Variants in WDR33 observed in about 807,000 individuals in gnomAD.
WDR33 encodes WD repeat domain 33, also known as pre-mRNA 3' end processing protein WDR33.
WDR33 carries 47 observed loss-of-function variants against 164.9 expected under a neutral mutation model. The observed-to-expected ratio is 0.29, with a 90% confidence interval of 0.23 to 0.36. WDR33 has a LOEUF of 0.36. WDR33 is among the 10% of genes least tolerant of loss of function. WDR33 has a pLI of 1.00. For missense variants in WDR33, 1,137 were observed against 1,754.1 expected (o/e 0.65, Z 6.28); for synonymous variants, 505 against 589.0 (o/e 0.86, Z 2.06).
chr2:127,717,178 C>T lies in WDR33; in HGVS notation c.2846G>A (p.Gly949Glu). 1 of 1,607,386 alleles carries T rather than the reference C, an allele frequency of 6.2e-7. No homozygotes were observed. Among genetic ancestry groups the T allele is most frequent in the Non-Finnish European group, 8.5e-7 (1 of 1,176,600 alleles). The change falls in exon 17 of 22, where the codon GGA (glycine) becomes GAA (glutamate). Residue 949 changes from glycine (G) to glutamate (E), a missense_variant. This residue lies in a region of WDR33 where 867 missense variants were observed against 1,073.0 expected (regional missense o/e 0.81). Transcript: ENST00000322313. This position sits in a 1 kb window ranked among gnomAD's most constrained non-coding sequence, Gnocchi z 5.6. Reference protein sequence around the residue: ...AQGRIPPLNPGQGPGPNKGDS... With the variant: ...AQGRIPPLNPEQGPGPNKGDS... ...ACCTTTGTTGGGGCCAGGTCCTTGT[C>T]CGGGGTTCAGAGGGGGAATGCGACC...
At chr2:127,776,373 G>A (rs1688183654) in intron 1 of WDR33, among the ~76,000 whole-genome samples, 1 of 152,182 alleles carries the variant, frequency 6.6e-6, no homozygotes, top group African/African-American at 2.4e-5. Context: ...TGTTATGGCA[G>A]CCCTAGCTAA....
rs1686177503 is a variant in WDR33, at chr2:127,711,772, ATATATATATTTT to A, written c.3308+1799_3308+1810del. On this transcript the variant is annotated intron_variant, in intron 18 of 21. Coordinates refer to ENST00000322313, the MANE Select transcript of WDR33 (RefSeq NM_018383.5). The stretch of plus-strand genomic sequence containing the variant: ...TACAGATATATATATATATATATAT[ATATATATATTTT>A]TTTTTTGAGACAGAGTCTCGCCCTG... 5.7e-5 allele frequency among the ~76,000 whole-genome samples: 5 copies of A among 87,742 alleles called. 2 individuals are homozygous for A. Among genetic ancestry groups the A allele is most frequent in the African/African-American group, 3.1e-4 (5 of 16,248 alleles). 57.6% of individuals were successfully genotyped at this position (87,742 alleles called of 152,430 possible).
In WDR33 at chr2:127,719,214, T is replaced by C; in HGVS notation, c.2760+51A>G. The C allele has an allele frequency of 7.3e-7, 1 of 1,378,970 alleles. No individual in the cohort carries two copies. Among genetic ancestry groups the C allele is most frequent in the Non-Finnish European group, 9.4e-7 (1 of 1,067,746 alleles). The allele number at this position is 1,378,970 out of a possible 1,614,324, so 85.4% of individuals were successfully genotyped here. On this transcript the variant is annotated intron_variant, in intron 16 of 21. Transcript: ENST00000322313. This position sits in a 1 kb window ranked among gnomAD's most constrained non-coding sequence, Gnocchi z 6.5. ...CCACAATACTCAGCAGTATTACTTC[T>C]GTGCAGAGTGTATTTTCCCAATGTG...
chr2:127,809,893 A>G (rs1425405652), intron 1 of WDR33, among the ~76,000 whole-genome samples: 2 of 152,196 alleles, frequency 1.3e-5, no homozygotes, highest in East Asian at 3.8e-4. Flanking sequence ...TCAAGGAGAC[A>G]AAAAAAGCAA....
Position 127,709,376 on chromosome 2 carries a change from C to T in WDR33, c.3565+114G>A, listed in dbSNP as rs1686095834. On this transcript the variant is annotated intron_variant, in intron 20 of 21. Coordinates refer to ENST00000322313, the MANE Select transcript of WDR33 (RefSeq NM_018383.5). This position sits in a 1 kb window ranked among gnomAD's most constrained non-coding sequence, Gnocchi z 5.0. ...CTGCAGGACAGGAGACAGCCCAGCC[C>T]CCCGGGAGACATGAGCTGGAAAGAG... is the stretch of plus-strand genomic sequence containing the variant. 5.9e-6 allele frequency: 6 copies of T among 1,013,200 alleles called. No homozygotes were observed. The highest frequency in any genetic ancestry group is 1.8e-5 in the Admixed American group (1 of 54,334). The allele number at this position is 1,013,200 out of a possible 1,614,324, so 62.8% of individuals were successfully genotyped here. A position where few individuals can be genotyped will look rare whatever the true frequency, so the allele number is the denominator to read the frequency against.
intron 1 of WDR33, among the ~76,000 whole-genome samples, chr2:127,802,745 G>A (rs772936694): frequency 3.9e-5 from 6 of 152,162 alleles, no homozygotes; most frequent in Non-Finnish European, 7.3e-5. Flanking sequence ...TTGGGAGGCT[G>A]AGGAGGGAGG....
intron 1 of WDR33, among the ~76,000 whole-genome samples, chr2:127,800,573 C>CT (rs1317076252): frequency 1.4e-5 from 2 of 147,470 alleles, no homozygotes; most frequent in African/African-American, 5.0e-5. Flanking sequence ...GGAGTCGGAG[C>CT]TTGCAGTGAG....
intron 1 of WDR33, among the ~76,000 whole-genome samples, chr2:127,805,322 T>C (rs1689397699): frequency 6.6e-6 from 1 of 151,842 alleles, no homozygotes; most frequent in South Asian, 2.1e-4. Context: ...GCTCTAGCAA[T>C]CCATCTGCCT....
intron 1 of WDR33, among the ~76,000 whole-genome samples, chr2:127,783,595 ACTC>A (rs1456094260): frequency 1.9e-4 from 21 of 109,870 alleles, no homozygotes; most frequent in African/African-American, 7.5e-4. Flanking sequence ...TTATTTCAGG[ACTC>A]CTTTTTTTTT....
chr2:127,713,250 A>C lies in WDR33; in HGVS notation c.3308+333T>G, dbSNP rs1283340130. On this transcript the variant is annotated intron_variant, in intron 18 of 21. Coordinates refer to ENST00000322313, the MANE Select transcript of WDR33 (RefSeq NM_018383.5). This position sits in a 1 kb window ranked among gnomAD's most constrained non-coding sequence, Gnocchi z 6.2. ...TATTTCCAATCTAGGTAGCTGCCTC[A>C]TATTTCCTTATTCTAATCAAGAAGA... Among the ~76,000 whole-genome samples, 2 of 152,204 alleles carry C rather than the reference A, an allele frequency of 1.3e-5. No homozygotes were observed. The highest frequency in any genetic ancestry group is 1.3e-4 in the Admixed American group (2 of 15,278).
At chr2:127,783,059 T>C (rs1688430392) in intron 1 of WDR33, among the ~76,000 whole-genome samples, 1 of 152,204 alleles carries the variant, frequency 6.6e-6, no homozygotes, top group African/African-American at 2.4e-5. Flanking sequence ...GTGTATGTTA[T>C]ATGCAAATGC....
chr2:127,776,274 C>A (rs1463859219), intron 1 of WDR33, among the ~76,000 whole-genome samples: 1 of 152,184 alleles, frequency 6.6e-6, no homozygotes, highest in Non-Finnish European at 1.5e-5. Context: ...CAGCCCTGCT[C>A]ACATCCTGAT....
intron 7 of WDR33, among the ~76,000 whole-genome samples, chr2:127,732,973 T>C (rs574727377): frequency 2.6e-5 from 4 of 152,306 alleles, no homozygotes; most frequent in African/African-American, 9.6e-5. Flanking sequence ...TCTTTGTGAT[T>C]CCCCAAATGT....
chr2:127,773,869 C>A (rs917773259), intron 1 of WDR33, among the ~76,000 whole-genome samples: 3 of 151,466 alleles, frequency 2.0e-5, no homozygotes, highest in Non-Finnish European at 4.4e-5. Context: ...GCTTAAGCAA[C>A]CCTCCCACCT....
chr2:127,777,678 T>A (rs1688230321), intron 1 of WDR33, among the ~76,000 whole-genome samples: 1 of 152,240 alleles, frequency 6.6e-6, no homozygotes, highest in Non-Finnish European at 1.5e-5. Context: ...CAGGATGGAA[T>A]ACAGTGGCAC....
Position 127,708,186 on chromosome 2 carries a change from C to T in WDR33, c.3781+491G>A, listed in dbSNP as rs1686064427. Among the ~76,000 whole-genome samples, 1 of 152,150 alleles carries T rather than the reference C, an allele frequency of 6.6e-6. No homozygotes were observed. The highest frequency in any genetic ancestry group is 2.4e-5 in the African/African-American group (1 of 41,422). On this transcript the variant is annotated intron_variant, in intron 21 of 21. Coordinates refer to ENST00000322313, the MANE Select transcript of WDR33 (RefSeq NM_018383.5). This position sits in a 1 kb window ranked among gnomAD's most constrained non-coding sequence, Gnocchi z 6.7. ...GCCTATAACATAAAGCTCCACAGTT[C>T]CCAGTTGAGGAGATAATCTACTGTG...
In WDR33 at chr2:127,724,945, G is replaced by C. The variant is rs1265618796; in HGVS notation, c.1027C>G (p.His343Asp). ...EATAVAWHPV[H>D]EGLFASGGSD... ...CCTCCACTGGCAAAAAGTCCTTCATGAACAGGATGCCAGGCCACAGCTGCA... is the reference window on the plus strand; with the variant it reads ...CCTCCACTGGCAAAAAGTCCTTCATCAACAGGATGCCAGGCCACAGCTGCA... Residue 343 changes from histidine to aspartate, a missense_variant, in exon 10 of 22, where the codon CAT (histidine) becomes GAT (aspartate). By Grantham distance (81) the His-to-Asp change is moderately conservative (BLOSUM62 -1). Coordinates refer to ENST00000322313, the MANE Select transcript of WDR33 (RefSeq NM_018383.5). The surrounding 1 kb of genome is among the most constrained non-coding windows in gnomAD (Gnocchi z 4.8). 6.2e-7 allele frequency: 1 copy of C among 1,613,998 alleles called. No homozygotes were observed. The highest frequency in any genetic ancestry group is 8.5e-7 in the Non-Finnish European group (1 of 1,180,020).
intron 7 of WDR33, among the ~76,000 whole-genome samples, chr2:127,759,703 A>T (rs1220379064): frequency 6.6e-6 from 1 of 152,154 alleles, no homozygotes; most frequent in Non-Finnish European, 1.5e-5. Flanking sequence ...AAATATTTTT[A>T]AAATAGTAAG....
chr2:127,795,169 C>T lies in WDR33; in HGVS notation c.-24+15843G>A, dbSNP rs944508436. ...AGGCTGGAGTGCAATGGTGCGATCT[C>T]GGCTTACTGCAACCTCTGCCTCTCG... On this transcript the variant is annotated intron_variant, in intron 1 of 21. Transcript: ENST00000322313. 6.1e-5 allele frequency among the ~76,000 whole-genome samples: 9 copies of T among 146,582 alleles called. No homozygotes were observed. The South Asian group carries it at 6.4e-4, about 10-fold the overall frequency.
Sources: gnomAD v4.1 joint callset for allele counts (sites outside exome capture counted in the v4.1 genomes callset) on GRCh38, gnomAD v4.1.1 for gene constraint, gnomAD v4.1.1 regional missense constraint, Gnocchi (gnomAD v3.1) non-coding constraint, MANE v1.5 for transcripts, NCBI Gene and HGNC (gene_info 2026-07-23, HGNC 2026-07-21) for gene names.